B3GAT1: variants seen among roughly 807,000 people sequenced by gnomAD.
B3GAT1 encodes galactosylgalactosylxylosylprotein 3-beta-glucuronosyltransferase 1.
In B3GAT1, 11 loss-of-function variants were observed where a neutral mutation model predicts 28.4. The observed-to-expected ratio is 0.39, with a 90% CI of 0.24 to 0.64. B3GAT1 has a LOEUF of 0.64. Ranked by LOEUF, B3GAT1 falls within the 30% of genes least tolerant of loss-of-function variation. B3GAT1 has a pLI of 0.50. For synonymous variants in B3GAT1, 255 were observed against 223.1 expected, an observed-to-expected ratio of 1.14 and a Z score of -1.27; for missense variants, 375 against 491.0, an observed-to-expected ratio of 0.76 and a Z score of 2.23.
At chr11:134,396,043 T>C (rs1450886775) in intron 1 of B3GAT1, among the ~76,000 whole-genome samples, 3 of 151,838 alleles carry the variant, frequency 2.0e-5, no homozygotes, top group African/African-American at 7.3e-5. Context: ...GCCACATCGG[T>C]TTCTCCAACA....
chr11:134,402,469 G>A (rs1367852033), intron 1 of B3GAT1, among the ~76,000 whole-genome samples: 2 of 152,094 alleles, frequency 1.3e-5, no homozygotes, highest in African/African-American at 4.8e-5. Context: ...CAGGATGCAG[G>A]CTCAGGCTCC....
intron 1 of B3GAT1, among the ~76,000 whole-genome samples, chr11:134,395,514 C>T (rs567128942): frequency 6.6e-6 from 1 of 152,176 alleles, no homozygotes; most frequent in South Asian, 2.1e-4. Context: ...GGCCACTTGA[C>T]CCCTGCCTGC....
rs35434644 is a variant in B3GAT1 at position 134,383,910 on chromosome 11, C to T, written c.391G>A (p.Ala131Thr). ...EDAPRRTPLT[A>T]RLLRDTGLNY... ...AGGCCGGTGTCGCGCAGCAGGCGCG[C>T]GGTCAGCGGCGTCCGGCGCGGCGCA... Residue 131 changes from alanine (A) to threonine (T), a missense_variant, in exon 3 of 6, where the codon GCG becomes ACG. Ala to Thr is a moderately conservative substitution (Grantham distance 58). Transcript: ENST00000312527. 7.6e-3 allele frequency: 12,155 copies of T among 1,595,242 alleles called. 809 individuals carry two copies. In the African/African-American group the frequency reaches 0.14, roughly 19 times the overall value.
chr11:134,409,969 A>T (rs1425582312), intron 1 of B3GAT1: 1 of 152,410 alleles, frequency 6.6e-6, no homozygotes, highest in Non-Finnish European at 1.5e-5. Flanking sequence ...CCTCTTCCCC[A>T]TCTCACACTC....
intron 3 of B3GAT1, 113 bp downstream of exon 3, chr11:134,383,567 C>T (rs1231920373): frequency 3.7e-6 from 5 of 1,368,446 alleles, no homozygotes; most frequent in South Asian, 1.5e-5. Context: ...GCTCCCAGCC[C>T]GGCTTCCCGG....
At chr11:134,402,063 C>T (rs370903275) in intron 1 of B3GAT1, among the ~76,000 whole-genome samples, 20 of 151,888 alleles carry the variant, frequency 1.3e-4, no homozygotes, top group African/African-American at 4.1e-4. Flanking sequence ...GCTTGGAGGA[C>T]GTGCCCCTGC....
At chr11:134,382,397 G>A (rs950222990) in intron 4 of B3GAT1, among the ~76,000 whole-genome samples, 6 of 130,168 alleles carry the variant, frequency 4.6e-5, no homozygotes, top group Non-Finnish European at 8.4e-5. Flanking sequence ...GTGTGCATGT[G>A]TGTGCATCTG....
At position 134,382,709 on chromosome 11, in the gene B3GAT1, C is replaced by T. The variant is rs2136301661; in HGVS notation, c.918+1G>A. On this transcript the variant is annotated splice_donor_variant, in intron 4 of 5. Transcript: ENST00000312527. LOFTEE classifies it high-confidence loss of function. ...GCTGTCAGTTCTGCGGAGGGTCTCACCTTGGTGCAGTTGGCTGCCTTGGGC... is the reference window on the plus strand; with the variant it reads ...GCTGTCAGTTCTGCGGAGGGTCTCATCTTGGTGCAGTTGGCTGCCTTGGGC... 6.2e-7 allele frequency: 1 copy of T among 1,612,250 alleles called. No individual in the cohort carries two copies. The highest frequency in any genetic ancestry group is 8.5e-7 in the Non-Finnish European group (1 of 1,178,610).
intron 1 of B3GAT1, among the ~76,000 whole-genome samples, chr11:134,404,005 ATATATATATATATATATATATATATT>A (rs1944676013): frequency 1.1e-5 from 1 of 92,336 alleles, no homozygotes; most frequent in African/African-American, 4.1e-5. Context: ...ATATATATAT[ATATATATATATATATATATATATATT>A]TATTATACGT....
chr11:134,394,688 C>A (rs1180182880), intron 1 of B3GAT1, among the ~76,000 whole-genome samples: 1 of 152,238 alleles, frequency 6.6e-6, no homozygotes, highest in Non-Finnish European at 1.5e-5. Flanking sequence ...TCACTGCAGG[C>A]TCACGCTTGG....
intron 2 of B3GAT1, 135 bp from the exon 3 acceptor site, chr11:134,384,323 C>T: frequency 1.7e-6 from 2 of 1,195,510 alleles, no homozygotes; most frequent in Non-Finnish European, 2.3e-6. Flanking sequence ...CCCCGCCTTG[C>T]CTGACCTGTT....
chr11:134,388,389 A>G (rs1944342320), intron 1 of B3GAT1: 1 of 160,828 alleles, frequency 6.2e-6, no homozygotes, highest in South Asian at 1.7e-4. Context: ...CAAAGCCTGG[A>G]TAAAGGGGTG....
intron 1 of B3GAT1, among the ~76,000 whole-genome samples, chr11:134,405,232 A>T (rs1026636845): frequency 2.0e-5 from 3 of 152,148 alleles, no homozygotes; most frequent in African/African-American, 7.2e-5. Context: ...CAAGGGTGTC[A>T]GAGCAGTGGT....
At chr11:134,401,683 T>C (rs770711853) in intron 1 of B3GAT1, among the ~76,000 whole-genome samples, 1 of 151,900 alleles carries the variant, frequency 6.6e-6, no homozygotes, top group African/African-American at 2.4e-5. Context: ...CATCACATAA[T>C]ATACCCGGGT....
At chr11:134,406,021 T>A (rs528788942) in intron 1 of B3GAT1, among the ~76,000 whole-genome samples, 1 of 152,214 alleles carries the variant, frequency 6.6e-6, no homozygotes, top group Non-Finnish European at 1.5e-5. Context: ...GTCCCTCCTG[T>A]CTTAGACGAG....
chr11:134,395,945 T>G (rs1944496475), intron 1 of B3GAT1, among the ~76,000 whole-genome samples: 1 of 152,138 alleles, frequency 6.6e-6, no homozygotes, highest in Non-Finnish European at 1.5e-5. Flanking sequence ...CAAGCTCACT[T>G]GGGTGGTGGT....
At chr11:134,397,186 CA>C (rs1451281714) in intron 1 of B3GAT1, among the ~76,000 whole-genome samples, 1 of 152,190 alleles carries the variant, frequency 6.6e-6, no homozygotes, top group East Asian at 1.9e-4. Flanking sequence ...TGGGCCAGGT[CA>C]AGTTTTTACC....
intron 1 of B3GAT1, among the ~76,000 whole-genome samples, chr11:134,396,820 C>T (rs1944513009): frequency 6.6e-6 from 1 of 152,170 alleles, no homozygotes; most frequent in Non-Finnish European, 1.5e-5. Flanking sequence ...AGCCCCACGT[C>T]ACCTCCAAAG....
At chr11:134,396,164 G>C (rs143325564) in intron 1 of B3GAT1, among the ~76,000 whole-genome samples, 1 of 152,340 alleles carries the variant, frequency 6.6e-6, no homozygotes, top group African/African-American at 2.4e-5. Context: ...CAATGCTTTT[G>C]CACAGTCTGC....
Sources: allele counts gnomAD v4.1 joint callset (sites outside exome capture counted in the v4.1 genomes callset), GRCh38; gene constraint gnomAD v4.1.1; transcripts MANE v1.5; gene names NCBI Gene and HGNC (gene_info 2026-07-23, HGNC 2026-07-21).